SLAIN2: variants seen among roughly 807,000 people sequenced by gnomAD.
The protein encoded by SLAIN2 is SLAIN motif-containing protein 2.
In SLAIN2, 31 loss-of-function variants were observed where a neutral mutation model predicts 56.6. The observed-to-expected ratio is 0.55, with a 90% CI of 0.41 to 0.74. SLAIN2 has a LOEUF of 0.74. Ranked by LOEUF, SLAIN2 falls within the 30% of genes least tolerant of loss-of-function variation. The pLI, the probability that SLAIN2 is intolerant of heterozygous loss-of-function variation, is 0.00. For missense variants in SLAIN2, 777 were observed against 754.2 expected (o/e 1.03, Z -0.35); for synonymous variants, 317 against 284.9 (o/e 1.11, Z -1.13).
chr4:48,388,393 A>G (rs910545874), intron 6 of SLAIN2, among the ~76,000 whole-genome samples: 1 of 152,226 alleles, frequency 6.6e-6, no homozygotes, highest in African/African-American at 2.4e-5. Context: ...CAGGTTTAGC[A>G]GAAAGTTTAG....
At chr4:48,406,582 C>A (rs62309450) in intron 6 of SLAIN2, among the ~76,000 whole-genome samples, 33,965 of 143,118 alleles carry the variant, frequency 0.24, 4,669 homozygotes, top group Middle Eastern at 0.36. Context: ...ATACCTGTTA[C>A]ATACTATTTT....
intron 6 of SLAIN2, among the ~76,000 whole-genome samples, chr4:48,409,612 G>A (rs1236335062): frequency 9.2e-5 from 14 of 152,118 alleles, no homozygotes; most frequent in Non-Finnish European, 1.6e-4. Context: ...GGTCAGACCC[G>A]GTGGCTCACG....
At chr4:48,394,862 A>G (rs566306467) in intron 6 of SLAIN2, among the ~76,000 whole-genome samples, 4 of 152,354 alleles carry the variant, frequency 2.6e-5, no homozygotes, top group African/African-American at 9.6e-5. Flanking sequence ...CTTTTCTGAA[A>G]GGAGTAAATG....
At chr4:48,372,976 C>A (rs1299545801) in intron 2 of SLAIN2, among the ~76,000 whole-genome samples, 1 of 152,062 alleles carries the variant, frequency 6.6e-6, no homozygotes, top group Non-Finnish European at 1.5e-5. Context: ...TACTCCTTCA[C>A]ACTCAGGTTC....
chr4:48,364,688 A>T (rs1715459325), intron 1 of SLAIN2, among the ~76,000 whole-genome samples: 1 of 122,910 alleles, frequency 8.1e-6, no homozygotes. Flanking sequence ...GGCCCGGCCA[A>T]CACAGCGAAA....
intron 7 of SLAIN2, among the ~76,000 whole-genome samples, chr4:48,421,349 G>T (rs1717152603): frequency 6.6e-6 from 1 of 152,100 alleles, no homozygotes; most frequent in Non-Finnish European, 1.5e-5. Flanking sequence ...GAATCAGACA[G>T]GTTGGGAATG....
intron 2 of SLAIN2, among the ~76,000 whole-genome samples, chr4:48,375,923 C>T (rs767942363): frequency 1.3e-5 from 2 of 152,238 alleles, no homozygotes; most frequent in African/African-American, 2.4e-5. Flanking sequence ...TTCCAAAAAG[C>T]CTTACCCAGT....
At chr4:48,359,267 C>T (rs1004959663) in intron 1 of SLAIN2, among the ~76,000 whole-genome samples, 11 of 152,240 alleles carry the variant, frequency 7.2e-5, no homozygotes, top group African/African-American at 2.4e-4. Flanking sequence ...CTGAATGTAC[C>T]TTACTCAGTG....
At chr4:48,413,352 TC>T (rs1325632504) in intron 6 of SLAIN2, among the ~76,000 whole-genome samples, 2 of 152,320 alleles carry the variant, frequency 1.3e-5, no homozygotes, top group African/African-American at 2.4e-5. Context: ...ATCCTGACTT[TC>T]CTATTTGCTC....
chr4:48,366,532 A>G (rs1339115186), intron 1 of SLAIN2, among the ~76,000 whole-genome samples: 2 of 152,118 alleles, frequency 1.3e-5, no homozygotes, highest in Non-Finnish European at 2.9e-5. Flanking sequence ...TGTTTCTAGT[A>G]ATCTTTTATA....
chr4:48,398,644 C>T (rs1716470969), intron 6 of SLAIN2, among the ~76,000 whole-genome samples: 1 of 152,170 alleles, frequency 6.6e-6, no homozygotes, highest in Non-Finnish European at 1.5e-5. Context: ...ACATTAAAGT[C>T]TTTAATCCAT....
chr4:48,390,065 GT>G (rs1490521440), intron 6 of SLAIN2, among the ~76,000 whole-genome samples: 3 of 148,056 alleles, frequency 2.0e-5, no homozygotes, highest in African/African-American at 7.5e-5. Context: ...GATGAATTTT[GT>G]TTTCTTTTTT....
chr4:48,422,866 C>T lies in SLAIN2; in HGVS notation c.*789C>T, dbSNP rs890110228. The T allele has an allele frequency of 6.6e-6, 1 of 152,170 alleles. No homozygotes were observed. Among genetic ancestry groups the T allele is most frequent in the Admixed American group, 6.5e-5 (1 of 15,268 alleles). The allele number at this position is 152,170 out of a possible 1,614,324, so 9.4% of individuals were successfully genotyped here. ...TTTCTGAACTTTATAGTTCCTGGCT[C>T]AGGAAAGATGGCCTTTGCTATTGAA... On this transcript the variant is annotated 3_prime_UTR_variant, in exon 8 of 8. Transcript: ENST00000264313.
chr4:48,424,763 T>G lies in SLAIN2; in HGVS notation c.*2686T>G, dbSNP rs1717256011. 1 of 151,382 alleles carries G rather than the reference T, an allele frequency of 6.6e-6. No individual in the cohort carries two copies. 9.4% of individuals were successfully genotyped at this position (151,382 alleles called of 1,614,324 possible). On this transcript the variant is annotated 3_prime_UTR_variant, in exon 8 of 8. Transcript: ENST00000264313. Reference sequence around the variant, plus strand: ...TTAAAATTATCTCAATACATCACTTTTATAAAAAAAAAAAGTTTTTTTGAA... The same window carrying G: ...TTAAAATTATCTCAATACATCACTTGTATAAAAAAAAAAAGTTTTTTTGAA...
At chr4:48,371,952 A>AAAAC (rs776801371) in intron 2 of SLAIN2, among the ~76,000 whole-genome samples, 1 of 146,000 alleles carries the variant, frequency 6.8e-6, no homozygotes, top group Non-Finnish European at 1.5e-5. Context: ...AAAACAAAAC[A>AAAAC]AAACAAACAA....
chr4:48,382,493 T>A (rs1226890234), intron 4 of SLAIN2, 75 bp from the exon 5 acceptor site: 1 of 1,355,146 alleles, frequency 7.4e-7, no homozygotes, highest in Non-Finnish European at 9.6e-7. Flanking sequence ...TCAGTGATAA[T>A]CTTTTACTTT....
intron 1 of SLAIN2, among the ~76,000 whole-genome samples, chr4:48,363,764 C>T (rs1281528337): frequency 2.2e-5 from 3 of 133,596 alleles, no homozygotes; most frequent in South Asian, 2.8e-4. Flanking sequence ...CCCCACCTCC[C>T]TCCCGGACGG....
chr4:48,360,510 T>G (rs916019377), intron 1 of SLAIN2, among the ~76,000 whole-genome samples: 1 of 152,098 alleles, frequency 6.6e-6, no homozygotes, highest in African/African-American at 2.4e-5. Flanking sequence ...GAGAATCACT[T>G]GAACCTGGGA....
At chr4:48,384,539 TTTAAA>T (rs1716053280) in intron 6 of SLAIN2, among the ~76,000 whole-genome samples, 1 of 152,208 alleles carries the variant, frequency 6.6e-6, no homozygotes. Flanking sequence ...GACTTGTCTC[TTTAAA>T]TTATCTTTCA....
Sources: allele counts gnomAD v4.1 joint callset (sites outside exome capture counted in the v4.1 genomes callset), GRCh38; gene constraint gnomAD v4.1.1; transcripts MANE v1.5; gene names NCBI Gene and HGNC (gene_info 2026-07-23, HGNC 2026-07-21).